Variants in PDE4D observed in about 807,000 individuals in gnomAD.
PDE4D encodes phosphodiesterase 4D.
In PDE4D, 24 loss-of-function variants were observed where a neutral mutation model predicts 87.4. The ratio of observed to expected loss-of-function variants is 0.27; its 90% CI spans 0.20 to 0.39. The LOEUF is 0.39. Ranked by LOEUF, PDE4D falls within the 10% of genes least tolerant of loss-of-function variation. The pLI is 1.00. For missense variants in PDE4D, 714 were observed against 1,041.0 expected (o/e 0.69, Z 4.32); for synonymous variants, 384 against 383.2 (o/e 1.00, Z -0.02).
chr5:60,164,063 T>A (rs1782690172), intron 2 of PDE4D, among the ~76,000 whole-genome samples: 1 of 152,224 alleles, frequency 6.6e-6, no homozygotes. Flanking sequence ...CTTAGCCTCT[T>A]AATAGCTATT....
At chr5:59,261,533 G>A (rs144642768) in intron 1 of PDE4D, among the ~76,000 whole-genome samples, 171 of 151,878 alleles carry the variant, frequency 1.1e-3, no homozygotes, top group South Asian at 2.9e-3. Context: ...AAGGTCTCCC[G>A]AAGATTATCT....
intron 1 of PDE4D, among the ~76,000 whole-genome samples, chr5:59,291,778 G>A (rs1365195462): frequency 2.1e-5 from 3 of 141,622 alleles, no homozygotes; most frequent in Non-Finnish European, 4.5e-5. Flanking sequence ...TTCTGTATAA[G>A]GGATAGGAAA....
chr5:59,831,365 A>G (rs1561732841), intron 1 of PDE4D, among the ~76,000 whole-genome samples: 1 of 150,722 alleles, frequency 6.6e-6, no homozygotes, highest in South Asian at 2.1e-4. Flanking sequence ...AATAAGATGA[A>G]CAATATCACT....
chr5:60,339,040 A>T (rs375731396), intron 1 of PDE4D, among the ~76,000 whole-genome samples: 4 of 152,184 alleles, frequency 2.6e-5, no homozygotes, highest in South Asian at 2.1e-4. Flanking sequence ...TTAGCTAAGC[A>T]CTTATTGCAC....
intron 1 of PDE4D, among the ~76,000 whole-genome samples, chr5:60,308,013 C>G (rs1212237122): frequency 6.6e-6 from 1 of 152,128 alleles, no homozygotes. Context: ...TGCTCTCCAG[C>G]CTGGGCAACA....
intron 1 of PDE4D, among the ~76,000 whole-genome samples, chr5:60,362,426 T>C (rs1313282986): frequency 6.6e-6 from 1 of 152,252 alleles, no homozygotes; most frequent in Non-Finnish European, 1.5e-5. Context: ...TTCACATTTT[T>C]CTGCCACATG....
chr5:59,031,392 T>TATATTA lies in PDE4D; in HGVS notation c.921+7466_921+7467insTAATAT, dbSNP rs1431074293. On this transcript the variant is annotated intron_variant, in intron 6 of 14. Transcript: ENST00000340635. ...ATATATATATATATATATATATATA[T>TATATTA]TATATATATATATATATATATATAG... Among the ~76,000 whole-genome samples, 16 of 34,260 alleles carry TATATTA rather than the reference T, an allele frequency of 4.7e-4. No individual in the cohort carries two copies. In the East Asian group the frequency reaches 6.4e-3, roughly 14 times the overall value. 22.5% of individuals were successfully genotyped at this position (34,260 alleles called of 152,430 possible).
intron 1 of PDE4D, among the ~76,000 whole-genome samples, chr5:59,627,339 A>G (rs1167098748): frequency 1.3e-5 from 2 of 152,242 alleles, no homozygotes; most frequent in African/African-American, 4.8e-5. Context: ...TTCAAAGATT[A>G]AAATGATAGT....
chr5:59,021,042 C>T (rs1755064274), intron 6 of PDE4D, among the ~76,000 whole-genome samples: 1 of 152,138 alleles, frequency 6.6e-6, no homozygotes, highest in Non-Finnish European at 1.5e-5. Context: ...ACACTTGAAA[C>T]TTCTGTTAAT....
At chr5:59,266,126 G>A (rs547190615) in intron 1 of PDE4D, among the ~76,000 whole-genome samples, 13 of 152,048 alleles carry the variant, frequency 8.5e-5, no homozygotes, top group Non-Finnish European at 1.8e-4. Flanking sequence ...GCCAGGCATG[G>A]TGGTGTATGC....
intron 1 of PDE4D, among the ~76,000 whole-genome samples, chr5:59,786,566 G>A (rs570958976): frequency 5.3e-5 from 8 of 152,322 alleles, no homozygotes; most frequent in African/African-American, 1.7e-4. Flanking sequence ...TCTGCTACCT[G>A]CCTGTGGCAG....
chr5:59,649,251 A>C (rs1742971316), intron 1 of PDE4D, among the ~76,000 whole-genome samples: 1 of 152,170 alleles, frequency 6.6e-6, no homozygotes, highest in South Asian at 2.1e-4. Flanking sequence ...CCACAGCCAA[A>C]TTACTTTCTT....
chr5:59,680,369 G>A (rs535533637), intron 1 of PDE4D, among the ~76,000 whole-genome samples: 72 of 152,120 alleles, frequency 4.7e-4, no homozygotes, highest in Non-Finnish European at 8.5e-4. Flanking sequence ...GGAAAACATG[G>A]ATACCTACAC....
chr5:59,360,024 G>T (rs35282), intron 1 of PDE4D, among the ~76,000 whole-genome samples: 117,351 of 152,054 alleles, frequency 0.77, 45,709 homozygotes, highest in African/African-American at 0.86. Flanking sequence ...ATAAGGCATC[G>T]TTTTTGCCTC....
At chr5:60,135,736 T>C (rs2149407014) in intron 2 of PDE4D, among the ~76,000 whole-genome samples, 1 of 152,196 alleles carries the variant, frequency 6.6e-6, no homozygotes, top group East Asian at 1.9e-4. Flanking sequence ...AAGTAAAAAG[T>C]AAATAGCTAT....
intron 2 of PDE4D, among the ~76,000 whole-genome samples, chr5:60,093,306 C>T (rs566919604): frequency 3.9e-5 from 6 of 152,090 alleles, no homozygotes; most frequent in Non-Finnish European, 5.9e-5. Context: ...ATATGGTTGC[C>T]GTGGACACCA....
chr5:60,465,255 C>G (rs1241342113), intron 1 of PDE4D, among the ~76,000 whole-genome samples: 2 of 152,150 alleles, frequency 1.3e-5, no homozygotes, highest in Non-Finnish European at 2.9e-5. Flanking sequence ...TTTCATTAAA[C>G]TAACACCTCA....
chr5:59,276,927 C>A (rs946250628), intron 1 of PDE4D, among the ~76,000 whole-genome samples: 1 of 151,320 alleles, frequency 6.6e-6, no homozygotes, highest in African/African-American at 2.4e-5. Context: ...GAACAGTTGA[C>A]CAGCCTGCCT....
intron 1 of PDE4D, among the ~76,000 whole-genome samples, chr5:59,815,965 G>A (rs969698235): frequency 5.3e-5 from 8 of 152,082 alleles, no homozygotes; most frequent in Admixed American, 1.3e-4. Context: ...AATAACTTTC[G>A]GGATTTAGAA....
Sources: gnomAD v4.1 joint callset for allele counts (sites outside exome capture counted in the v4.1 genomes callset) on GRCh38, gnomAD v4.1.1 for gene constraint, MANE v1.5 for transcripts, NCBI Gene and HGNC (gene_info 2026-07-23, HGNC 2026-07-21) for gene names.